Variants in METTL15 observed in about 807,000 individuals in gnomAD.
METTL15 encodes the protein 12S rRNA N(4)-cytidine methyltransferase METTL15.
A neutral mutation model predicts 38.3 loss-of-function variants in METTL15; 34 were observed. That is an observed-to-expected ratio of 0.89 (90% CI 0.68 to 1.18). METTL15 has a LOEUF of 1.18. Among genes scored for constraint, METTL15 ranks in the 50% most tolerant of loss-of-function variants. METTL15 has a pLI of 0.00. For synonymous variants in METTL15, 162 were observed against 170.9 expected (o/e 0.95, Z 0.41); for missense variants, 438 against 498.4 (o/e 0.88, Z 1.15).
intron 6 of METTL15, among the ~76,000 whole-genome samples, chr11:28,500,555 C>G (rs1267053794): frequency 1.3e-5 from 2 of 150,192 alleles, no homozygotes; most frequent in Non-Finnish European, 3.0e-5. Context: ...TTTTTTGAGA[C>G]AGAATCTCGC....
At position 28,168,272 on chromosome 11, in the gene METTL15, A is replaced by G. The variant is rs545050522; in HGVS notation, c.271-42790A>G. Among the ~76,000 whole-genome samples the G allele has an allele frequency of 3.0e-3, 461 of 152,186 alleles. 1 individual carries two copies. Among genetic ancestry groups the G allele is most frequent in the Middle Eastern group, 6.8e-3 (2 of 294 alleles). ...TGAGGAAACTCACAGTCCAGTGTAG[A>G]ATGATAGACAAGCATATGTAAACTA... On this transcript the variant is annotated intron_variant, in intron 3 of 6. Coordinates refer to ENST00000407364, the MANE Select transcript of METTL15 (RefSeq NM_001113528.2).
intron 5 of METTL15, among the ~76,000 whole-genome samples, chr11:28,293,715 A>G (rs1590278095): frequency 6.6e-6 from 1 of 151,932 alleles, no homozygotes; most frequent in Non-Finnish European, 1.5e-5. Flanking sequence ...ATTTGTTTGT[A>G]TCCTCTTTTA....
At chr11:28,293,051 T>G (rs1440900355) in intron 5 of METTL15, among the ~76,000 whole-genome samples, 5 of 152,160 alleles carry the variant, frequency 3.3e-5, no homozygotes, top group African/African-American at 1.2e-4. Context: ...CAGAAGCTCT[T>G]TAGTTTAATT....
intron 3 of METTL15, among the ~76,000 whole-genome samples, chr11:28,191,144 A>G (rs944062798): frequency 6.6e-6 from 1 of 151,374 alleles, no homozygotes; most frequent in East Asian, 1.9e-4. Context: ...ATGATTTTGC[A>G]ATTTCCTGTA....
intron 4 of METTL15, among the ~76,000 whole-genome samples, chr11:28,246,925 T>G (rs183806414): frequency 6.6e-6 from 1 of 152,262 alleles, no homozygotes; most frequent in East Asian, 1.9e-4. Flanking sequence ...AATACTTGAT[T>G]TAGTTATTGG....
At chr11:28,193,550 G>A (rs557417127) in intron 3 of METTL15, among the ~76,000 whole-genome samples, 85 of 152,050 alleles carry the variant, frequency 5.6e-4, no homozygotes, top group African/African-American at 2.0e-3. Flanking sequence ...TCCAACACTA[G>A]GGATTACAAT....
chr11:28,392,721 T>C (rs10835321), intron 5 of METTL15, among the ~76,000 whole-genome samples: 64,240 of 151,912 alleles, frequency 0.42, 14,982 homozygotes, highest in Admixed American at 0.54. Flanking sequence ...AGGCAAACTA[T>C]GTAATGGAAG....
intron 4 of METTL15, among the ~76,000 whole-genome samples, chr11:28,238,812 A>G (rs1287161913): frequency 6.6e-6 from 1 of 152,162 alleles, no homozygotes; most frequent in African/African-American, 2.4e-5. Context: ...CCACGGCTCT[A>G]CCAAAACTCC....
intron 4 of METTL15, among the ~76,000 whole-genome samples, chr11:28,284,559 C>T (rs917904053): frequency 6.6e-6 from 1 of 151,984 alleles, no homozygotes; most frequent in Non-Finnish European, 1.5e-5. Flanking sequence ...ATTGTACTTA[C>T]ATTTAAAAAA....
chr11:28,403,968 A>G (rs551720417), intron 5 of METTL15, among the ~76,000 whole-genome samples: 23 of 151,960 alleles, frequency 1.5e-4, no homozygotes, highest in Non-Finnish European at 2.9e-4. Flanking sequence ...CATTCTGATG[A>G]TGGGTAAATT....
chr11:28,143,900 G>GCTAA (rs1386518725), intron 3 of METTL15, among the ~76,000 whole-genome samples: 1 of 152,184 alleles, frequency 6.6e-6, no homozygotes, highest in Non-Finnish European at 1.5e-5. Context: ...GAACTTCTGA[G>GCTAA]CTAACTCTTG....
intron 4 of METTL15, among the ~76,000 whole-genome samples, chr11:28,283,146 G>A (rs1043670659): frequency 2.0e-5 from 3 of 152,074 alleles, no homozygotes; most frequent in Admixed American, 1.3e-4. Flanking sequence ...GAGGATAAAC[G>A]AATAGATGTT....
At chr11:28,461,035 C>T (rs934254112) in intron 6 of METTL15, among the ~76,000 whole-genome samples, 3 of 152,018 alleles carry the variant, frequency 2.0e-5, no homozygotes, top group Admixed American at 1.3e-4. Context: ...GGTTAAGATG[C>T]AGAGACTCAA....
intron 4 of METTL15, among the ~76,000 whole-genome samples, chr11:28,238,206 G>C (rs1210909030): frequency 6.6e-6 from 1 of 152,230 alleles, no homozygotes; most frequent in Non-Finnish European, 1.5e-5. Flanking sequence ...CCTGCCCCCA[G>C]AGGTGGAGCC....
At chr11:28,318,206 G>T (rs1159034805) in intron 6 of METTL15, among the ~76,000 whole-genome samples, 1 of 152,140 alleles carries the variant, frequency 6.6e-6, no homozygotes, top group Non-Finnish European at 1.5e-5. Flanking sequence ...GACTGGAAGG[G>T]TATCCCTTAT....
At chr11:28,201,550 A>G (rs1852112310) in intron 3 of METTL15, among the ~76,000 whole-genome samples, 1 of 149,794 alleles carries the variant, frequency 6.7e-6, no homozygotes, top group Non-Finnish European at 1.5e-5. Context: ...TTACTGCCTC[A>G]ATTTCAGAGG....
At position 28,194,979 on chromosome 11, in the gene METTL15, A is replaced by G. The variant is rs1176681851; in HGVS notation, c.271-16083A>G. Among the ~76,000 whole-genome samples the G allele has an allele frequency of 3.3e-5, 5 of 152,004 alleles. No individual in the cohort carries two copies. The South Asian group carries it at 1.0e-3, about 32-fold the overall frequency. On this transcript the variant is annotated intron_variant, in intron 3 of 6. Transcript: ENST00000407364. ...TGGTTTTCCATTCCGGAGTTACTTT[A>G]CTTAGAATAATGATCTCCAATTCCA...
At chr11:28,237,659 T>A (rs911564778) in intron 4 of METTL15, among the ~76,000 whole-genome samples, 2 of 152,208 alleles carry the variant, frequency 1.3e-5, no homozygotes, top group Admixed American at 6.5e-5. Context: ...CTGCGTTCCT[T>A]TGGAGGAGGA....
intron 3 of METTL15, among the ~76,000 whole-genome samples, chr11:28,210,845 AT>A (rs1375557603): frequency 6.6e-6 from 1 of 151,980 alleles, no homozygotes; most frequent in Non-Finnish European, 1.5e-5. Context: ...GTTAGAGGTT[AT>A]TTTACTGATA....
Sources: allele counts gnomAD v4.1 joint callset (sites outside exome capture counted in the v4.1 genomes callset), GRCh38; gene constraint gnomAD v4.1.1; transcripts MANE v1.5; gene names NCBI Gene and HGNC (gene_info 2026-07-23, HGNC 2026-07-21).